AKAP13: variants seen among roughly 807,000 people sequenced by gnomAD.
The protein encoded by AKAP13 is A-kinase anchoring protein 13, also known as A-kinase anchor protein 13.
AKAP13 carries 80 observed loss-of-function variants against 264.5 expected under a neutral mutation model. The ratio of observed to expected loss-of-function variants is 0.30; its 90% CI spans 0.25 to 0.36. AKAP13 has a LOEUF of 0.36. Ranked by LOEUF, AKAP13 falls within the 10% of genes least tolerant of loss-of-function variation. AKAP13 has a pLI of 1.00. For synonymous variants in AKAP13, 1,380 were observed against 1,250.2 expected (o/e 1.10, Z -2.19); for missense variants, 3,712 against 3,435.2 (o/e 1.08, Z -2.01).
intron 8 of AKAP13, among the ~76,000 whole-genome samples, chr15:85,636,736 T>C (rs1341962186): frequency 6.6e-6 from 1 of 152,036 alleles, no homozygotes; most frequent in Non-Finnish European, 1.5e-5. Context: ...TGCCTCAGGC[T>C]CCCTAGTAGC....
At chr15:85,392,515 A>G (rs2070917929) in intron 1 of AKAP13, among the ~76,000 whole-genome samples, 1 of 152,144 alleles carries the variant, frequency 6.6e-6, no homozygotes, top group African/African-American at 2.4e-5. Flanking sequence ...GGCCTCCCAA[A>G]GTGCTGGGAT....
At chr15:85,554,592 T>A (rs2078073708) in intron 5 of AKAP13, among the ~76,000 whole-genome samples, 1 of 152,156 alleles carries the variant, frequency 6.6e-6, no homozygotes, top group Non-Finnish European at 1.5e-5. Context: ...TTTTTTTCTT[T>A]TTTTTTTAAG....
At chr15:85,475,980 A>G (rs2075150098) in intron 1 of AKAP13, among the ~76,000 whole-genome samples, 1 of 152,190 alleles carries the variant, frequency 6.6e-6, no homozygotes, top group African/African-American at 2.4e-5. Context: ...GCAGTAGACT[A>G]GATTAAAAAC....
chr15:85,562,750 C>T (rs1413943020), intron 5 of AKAP13, among the ~76,000 whole-genome samples: 2 of 127,142 alleles, frequency 1.6e-5, no homozygotes, highest in Non-Finnish European at 3.1e-5. Flanking sequence ...CGCTGGAGTG[C>T]AATGGCGCGA....
chr15:85,540,919 C>T (rs900691612), intron 4 of AKAP13, among the ~76,000 whole-genome samples: 8 of 152,152 alleles, frequency 5.3e-5, no homozygotes, highest in Non-Finnish European at 7.3e-5. Flanking sequence ...ACATGCTCAT[C>T]GAAGAAGCCT....
At chr15:85,722,141 C>G (rs531206178) in intron 24 of AKAP13, 25 bp downstream of exon 24, 1 of 1,612,922 alleles carries the variant, frequency 6.2e-7, no homozygotes, top group South Asian at 1.1e-5. Flanking sequence ...CATGAAAATC[C>G]CCGTTATTGT....
In AKAP13 at chr15:85,585,817, C is replaced by A. The variant is rs200790653; in HGVS notation, c.4155C>A (p.Thr1385=). The A allele has an allele frequency of 6.2e-7, 1 of 1,613,988 alleles. No homozygotes were observed. The highest frequency in any genetic ancestry group is 8.5e-7 in the Non-Finnish European group (1 of 1,179,962). ...ATLKMKQGPM[T]QAINRENWCT... is the part of the protein sequence containing the mutation. ...TGAAGATGAAGCAAGGCCCAATGAC[C>A]CAGGCGGTAAGTGGCATCAGTAAGT... Residue 1385 remains threonine (T), a synonymous_variant, in exon 8 of 37, where the codon ACC becomes ACA. Transcript: ENST00000394518.
In AKAP13 at chr15:85,582,099, C is replaced by T; in HGVS notation, c.4031C>T (p.Pro1344Leu). The change falls in exon 7 of 37, where the codon CCA becomes CTA. Residue 1344 changes from proline (P) to leucine (L), a missense_variant. This residue lies in a region of AKAP13 where 2,759 missense variants were observed against 2,411.7 expected (regional missense o/e 1.14). Coordinates refer to ENST00000394518, the MANE Select transcript of AKAP13 (RefSeq NM_007200.5). ...ATTTTACCTGTCCAGGGGCCTGAGCCAGCAGCAGGTAAGCAAAACATAATA... is the reference window on the plus strand; with the variant it reads ...ATTTTACCTGTCCAGGGGCCTGAGCTAGCAGCAGGTAAGCAAAACATAATA... The part of the protein sequence containing the change: ...KIILPVQGPE[P>L]AAEMPDVKAE... 1 of 1,591,214 alleles carries T rather than the reference C, an allele frequency of 6.3e-7. No individual in the cohort carries two copies. Among genetic ancestry groups the T allele is most frequent in the Non-Finnish European group, 8.6e-7 (1 of 1,169,222 alleles).
rs143782874 is a variant in AKAP13 at position 85,746,681 on chromosome 15, A to G, written c.*2004A>G. On this transcript the variant is annotated 3_prime_UTR_variant, in exon 37 of 37. Coordinates refer to ENST00000394518, the MANE Select transcript of AKAP13 (RefSeq NM_007200.5). Reference sequence around the variant, plus strand: ...ACAAAAAGTTAAGTTTCTTTCTTTCACCTATTTGTACAACTCCAAGTTACA... The same window carrying G: ...ACAAAAAGTTAAGTTTCTTTCTTTCGCCTATTTGTACAACTCCAAGTTACA... 57 of 152,192 alleles carry G rather than the reference A, an allele frequency of 3.7e-4. 1 individual carries two copies. The highest frequency in any genetic ancestry group is 1.3e-3 in the African/African-American group (55 of 41,514). The allele number at this position is 152,192 out of a possible 1,614,324, so 9.4% of individuals were successfully genotyped here.
intron 1 of AKAP13, among the ~76,000 whole-genome samples, chr15:85,449,563 A>T (rs755961375): frequency 6.6e-6 from 1 of 152,192 alleles, no homozygotes; most frequent in African/African-American, 2.4e-5. Flanking sequence ...TGGATTTGTC[A>T]TAGGTGGCTC....
At chr15:85,546,996 C>A (rs2077774155) in intron 5 of AKAP13, among the ~76,000 whole-genome samples, 1 of 152,180 alleles carries the variant, frequency 6.6e-6, no homozygotes, top group Admixed American at 6.5e-5. Context: ...CCCACCTCGG[C>A]CTCCCAAAGT....
At chr15:85,675,763 A>G (rs2084192279) in intron 14 of AKAP13, among the ~76,000 whole-genome samples, 1 of 152,202 alleles carries the variant, frequency 6.6e-6, no homozygotes, top group South Asian at 2.1e-4. Flanking sequence ...AGCTGGGTGA[A>G]TTAGTATGTG....
At chr15:85,499,523 A>AT (rs1386134140) in intron 2 of AKAP13, among the ~76,000 whole-genome samples, 1 of 152,142 alleles carries the variant, frequency 6.6e-6, no homozygotes, top group Non-Finnish European at 1.5e-5. Flanking sequence ...GGAGTTTAAA[A>AT]ATCCCTAGCC....
intron 1 of AKAP13, among the ~76,000 whole-genome samples, chr15:85,437,658 G>A (rs894262865): frequency 1.3e-5 from 2 of 152,156 alleles, no homozygotes; most frequent in African/African-American, 4.8e-5. Context: ...TGCAAGGCTG[G>A]TTCAATATAC....
chr15:85,724,344 T>C lies in AKAP13; in HGVS notation c.6745+1024T>C, dbSNP rs1017192717. Among the ~76,000 whole-genome samples the C allele has an allele frequency of 1.3e-5, 2 of 151,862 alleles. No homozygotes were observed. The highest frequency in any genetic ancestry group is 4.8e-5 in the African/African-American group (2 of 41,330). ...TTGGAAAGAGATACCTGCTCTACAG[T>C]GTGGTGAGTGCTGGAATGGAGGAGA... On this transcript the variant is annotated intron_variant, in intron 26 of 36. Coordinates refer to ENST00000394518, the MANE Select transcript of AKAP13 (RefSeq NM_007200.5). The surrounding 1 kb of genome is among the most constrained non-coding windows in gnomAD (Gnocchi z 4.2).
rs910005248 is a variant in AKAP13, at chr15:85,465,789, T to C, written c.-11-19921T>C. ...TCGGTTGGTTCCAAGTCTTTGCTAT[T>C]GTGAATAGTGCCGCAATAAACATAC... On this transcript the variant is annotated intron_variant, in intron 1 of 36. Coordinates refer to ENST00000394518, the MANE Select transcript of AKAP13 (RefSeq NM_007200.5). Among the ~76,000 whole-genome samples, 4 of 150,886 alleles carry C rather than the reference T, an allele frequency of 2.7e-5. No homozygotes were observed. The East Asian group carries it at 7.8e-4, about 29-fold the overall frequency.
intron 3 of AKAP13, among the ~76,000 whole-genome samples, chr15:85,526,282 C>T (rs143145067): frequency 0.018 from 2,685 of 152,038 alleles, 87 homozygotes; most frequent in African/African-American, 0.061. Context: ...TGTTTTGAGA[C>T]AGAGTCTCAC....
intron 5 of AKAP13, among the ~76,000 whole-genome samples, chr15:85,553,340 G>T (rs1431859930): frequency 1.3e-5 from 2 of 151,926 alleles, no homozygotes; most frequent in South Asian, 2.1e-4. Flanking sequence ...CGCCTGCCTC[G>T]GCCTCCCAAA....
chr15:85,635,645 A>G (rs1272629468), intron 8 of AKAP13, among the ~76,000 whole-genome samples: 1 of 152,122 alleles, frequency 6.6e-6, no homozygotes, highest in Non-Finnish European at 1.5e-5. Flanking sequence ...AGTTCCCATA[A>G]AAGTGTTTCC....
Sources: gnomAD v4.1 joint callset for allele counts (sites outside exome capture counted in the v4.1 genomes callset) on GRCh38, gnomAD v4.1.1 for gene constraint, gnomAD v4.1.1 regional missense constraint, Gnocchi (gnomAD v3.1) non-coding constraint, MANE v1.5 for transcripts, NCBI Gene and HGNC (gene_info 2026-07-23, HGNC 2026-07-21) for gene names.